The following CADPS2 variants were observed in gnomAD, a reference collection of about 807,000 sequenced individuals.
CADPS2 encodes calcium dependent secretion activator 2, also known as calcium-dependent secretion activator 2.
Under a neutral mutation model 172.5 loss-of-function variants are expected in CADPS2, and 93 were observed. The ratio of observed to expected loss-of-function variants is 0.54; its 90% CI spans 0.46 to 0.64. The LOEUF is 0.64. Among genes scored for constraint, CADPS2 ranks in the 30% least tolerant of loss-of-function variants. The pLI is 0.00. For synonymous variants in CADPS2, 546 were observed against 555.2 expected (o/e 0.98, Z 0.23); for missense variants, 1,420 against 1,565.9 (o/e 0.91, Z 1.57).
chr7:122,607,994 G>C (rs1012069024), intron 6 of CADPS2, among the ~76,000 whole-genome samples: 2 of 152,040 alleles, frequency 1.3e-5, no homozygotes, highest in African/African-American at 4.8e-5. Context: ...CGAGGTGGGT[G>C]GATCACGAGG....
intron 20 of CADPS2, among the ~76,000 whole-genome samples, chr7:122,399,210 T>C (rs1016727920): frequency 6.6e-6 from 1 of 152,148 alleles, no homozygotes; most frequent in Non-Finnish European, 1.5e-5. Flanking sequence ...AATGAAAAAA[T>C]TTCATAGAAT....
intron 7 of CADPS2, among the ~76,000 whole-genome samples, chr7:122,564,362 G>A (rs2066132432): frequency 6.6e-6 from 1 of 152,102 alleles, no homozygotes; most frequent in African/African-American, 2.4e-5. Flanking sequence ...AGGCTGGAGT[G>A]CAGTGGCATG....
At chr7:122,404,358 G>A (rs746879461) in intron 20 of CADPS2, among the ~76,000 whole-genome samples, 1 of 152,150 alleles carries the variant, frequency 6.6e-6, no homozygotes, top group Non-Finnish European at 1.5e-5. Context: ...ATTCCATGGT[G>A]TATATGGGCC....
intron 27 of CADPS2, among the ~76,000 whole-genome samples, chr7:122,356,317 T>C (rs2039398580): frequency 6.6e-6 from 1 of 152,224 alleles, no homozygotes; most frequent in Admixed American, 6.5e-5. Context: ...TTTTTTTTGA[T>C]GATTAGACTG....
chr7:122,388,627 T>C lies in CADPS2; in HGVS notation c.3120A>G (p.Arg1040=). 1 of 1,609,890 alleles carries C rather than the reference T, an allele frequency of 6.2e-7. No homozygotes were observed. Among genetic ancestry groups the C allele is most frequent in the Non-Finnish European group, 8.5e-7 (1 of 1,177,384 alleles). ...GCATATCACTGGCCATTAGTTTAAG[T>C]CTTTGCTCTAAGTGGTGGGCAAATT... ...EQEFAHHLEQ[R]LKLMASDMLE... is the part of the protein sequence containing the mutation. Residue 1040 remains arginine (R), a synonymous_variant, in exon 23 of 30, where the codon AGA becomes AGG. Coordinates refer to ENST00000449022, the MANE Select transcript of CADPS2 (RefSeq NM_017954.11).
intron 1 of CADPS2, among the ~76,000 whole-genome samples, chr7:122,824,293 G>T (rs1436665409): frequency 6.6e-6 from 1 of 152,204 alleles, no homozygotes; most frequent in Non-Finnish European, 1.5e-5. Context: ...CACATGGCTA[G>T]TAAGAGCTAA....
chr7:122,828,879 G>A (rs1805702110), intron 1 of CADPS2, among the ~76,000 whole-genome samples: 1 of 152,152 alleles, frequency 6.6e-6, no homozygotes, highest in South Asian at 2.1e-4. Context: ...GGTCAGGGTG[G>A]ACTTCTGTTG....
chr7:122,592,059 A>G (rs1157031648), intron 6 of CADPS2, among the ~76,000 whole-genome samples: 1 of 152,186 alleles, frequency 6.6e-6, no homozygotes, highest in East Asian at 1.9e-4. Flanking sequence ...CAACCTACAG[A>G]ATGGGAGAAA....
intron 1 of CADPS2, among the ~76,000 whole-genome samples, chr7:122,850,968 A>C (rs558175732): frequency 2.6e-5 from 4 of 152,194 alleles, no homozygotes; most frequent in Non-Finnish European, 5.9e-5. Context: ...GCACTGGCCA[A>C]GTATCTCTCT....
At chr7:122,404,425 C>T (rs1024683054) in intron 20 of CADPS2, among the ~76,000 whole-genome samples, 1 of 152,112 alleles carries the variant, frequency 6.6e-6, no homozygotes. Flanking sequence ...CAAGTCTTTG[C>T]TATTGTGAAT....
chr7:122,329,434 G>T (rs1016088705), intron 28 of CADPS2, among the ~76,000 whole-genome samples: 2 of 152,164 alleles, frequency 1.3e-5, no homozygotes, highest in Admixed American at 6.5e-5. Flanking sequence ...AATAGAACAA[G>T]CATGAGCTCT....
intron 7 of CADPS2, among the ~76,000 whole-genome samples, chr7:122,574,666 T>C (rs1587475848): frequency 6.7e-6 from 1 of 149,502 alleles, no homozygotes; most frequent in Non-Finnish European, 1.5e-5. Context: ...ATTGGTGCTG[T>C]GGGGGAAATT....
chr7:122,599,037 G>T (rs1250586014), intron 6 of CADPS2, among the ~76,000 whole-genome samples: 1 of 152,058 alleles, frequency 6.6e-6, no homozygotes, highest in Non-Finnish European at 1.5e-5. Flanking sequence ...TCAAGGAAAA[G>T]TAAAGGGAAA....
intron 2 of CADPS2, among the ~76,000 whole-genome samples, chr7:122,722,092 A>C (rs890326615): frequency 1.3e-5 from 2 of 152,170 alleles, no homozygotes; most frequent in African/African-American, 4.8e-5. Flanking sequence ...ATCATACTGA[A>C]TGGGCAAAAA....
chr7:122,468,670 G>T (rs1048694607), intron 14 of CADPS2, among the ~76,000 whole-genome samples: 2 of 152,130 alleles, frequency 1.3e-5, no homozygotes, highest in African/African-American at 4.8e-5. Flanking sequence ...GTTTCAGAAA[G>T]GTTAAGTGAT....
At chr7:122,720,882 T>C (rs1399457488) in intron 2 of CADPS2, among the ~76,000 whole-genome samples, 1 of 151,960 alleles carries the variant, frequency 6.6e-6, no homozygotes, top group Non-Finnish European at 1.5e-5. Context: ...TTTTTGTACA[T>C]CAAAAATGGC....
intron 8 of CADPS2, among the ~76,000 whole-genome samples, chr7:122,548,445 GA>G (rs2063851571): frequency 6.6e-6 from 1 of 151,984 alleles, no homozygotes; most frequent in African/African-American, 2.4e-5. Flanking sequence ...AAAACAACCT[GA>G]GATGAAATTA....
chr7:122,456,341 ATAAT>A (rs1329364648), intron 14 of CADPS2, among the ~76,000 whole-genome samples: 3 of 152,048 alleles, frequency 2.0e-5, no homozygotes, highest in Non-Finnish European at 4.4e-5. Context: ...CTCTATGACG[ATAAT>A]TAAATATTAA....
At chr7:122,602,881 C>G (rs562677195) in intron 6 of CADPS2, among the ~76,000 whole-genome samples, 42 of 152,102 alleles carry the variant, frequency 2.8e-4, no homozygotes, top group African/African-American at 9.4e-4. Flanking sequence ...GAGGAAGATC[C>G]CAGCTTCACC....
Sources: gnomAD v4.1 joint callset for allele counts (sites outside exome capture counted in the v4.1 genomes callset) on GRCh38, gnomAD v4.1.1 for gene constraint, MANE v1.5 for transcripts, NCBI Gene and HGNC (gene_info 2026-07-23, HGNC 2026-07-21) for gene names.